The following SAMD12 variants were observed in gnomAD, a reference collection of about 807,000 sequenced individuals.
SAMD12 encodes the protein sterile alpha motif domain-containing protein 12.
A neutral mutation model predicts 15.0 loss-of-function variants in SAMD12; 9 were observed. That is an observed-to-expected ratio of 0.60 (90% CI 0.36 to 1.05). The LOEUF is 1.05. Among genes scored for constraint, SAMD12 ranks in the 50% least tolerant of loss-of-function variants. SAMD12 has a pLI of 0.01. For synonymous variants in SAMD12, 86 were observed against 90.1 expected (o/e 0.96, Z 0.25); for missense variants, 230 against 234.2 (o/e 0.98, Z 0.12).
At chr8:118,279,069 C>T (rs1813542444) in intron 4 of SAMD12, among the ~76,000 whole-genome samples, 7 of 152,096 alleles carry the variant, frequency 4.6e-5, no homozygotes, top group Admixed American at 3.9e-4. Flanking sequence ...AAAAAAATTA[C>T]ACAATTCAGT....
intron 3 of SAMD12, among the ~76,000 whole-genome samples, chr8:118,423,113 T>TGTGG (rs1822074961): frequency 6.6e-6 from 1 of 152,070 alleles, no homozygotes. Context: ...GTGCCCAGGG[T>TGTGG]ATCGAGGCTG....
chr8:118,431,710 G>A (rs899606793), intron 3 of SAMD12, among the ~76,000 whole-genome samples: 3,404 of 151,714 alleles, frequency 0.022, 131 homozygotes, highest in African/African-American at 0.079. Context: ...GTGTGTGTGT[G>A]TGTGTGTGTG....
Position 118,470,450 on chromosome 8 carries a change from T to C in SAMD12, c.193-30489A>G, listed in dbSNP as rs150391178. Among the ~76,000 whole-genome samples, 732 of 152,328 alleles carry C rather than the reference T, an allele frequency of 4.8e-3. 8 individuals are homozygous for C. Among genetic ancestry groups the C allele is most frequent in the African/African-American group, 0.016 (667 of 41,568 alleles). Reference sequence around the variant, plus strand: ...GTTTTTATAGTGGAAAGAGCAGACCTGCAGTTGAAAGACTCTTGTTCTGGC... The same window carrying C: ...GTTTTTATAGTGGAAAGAGCAGACCCGCAGTTGAAAGACTCTTGTTCTGGC... On this transcript the variant is annotated intron_variant, in intron 2 of 3. Coordinates refer to ENST00000314727, the MANE Select transcript of SAMD12 (RefSeq NM_207506.3).
At chr8:118,567,110 A>G (rs4512404) in intron 2 of SAMD12, among the ~76,000 whole-genome samples, 27,793 of 152,096 alleles carry the variant, frequency 0.18, 2,719 homozygotes, top group Middle Eastern at 0.26. Context: ...ATAAACTCCA[A>G]TGATCCTAAT....
At chr8:118,186,323 G>A (rs1255075776), downstream of SAMD12, among the ~76,000 whole-genome samples, 14 of 152,158 alleles carry the variant, frequency 9.2e-5, no homozygotes, top group Admixed American at 8.5e-4. Flanking sequence ...TAGTTGAGCT[G>A]CTTATTTCTC....
intron 2 of SAMD12, among the ~76,000 whole-genome samples, chr8:118,474,908 T>A (rs533372126): frequency 6.6e-6 from 1 of 152,254 alleles, no homozygotes; most frequent in South Asian, 2.1e-4. Context: ...ATGAGTGAGT[T>A]CTCACTTTAT....
At chr8:118,309,644 T>C (rs1230941048) in intron 4 of SAMD12, among the ~76,000 whole-genome samples, 3 of 152,174 alleles carry the variant, frequency 2.0e-5, no homozygotes, top group African/African-American at 7.2e-5. Flanking sequence ...GACTTGAATA[T>C]GACTACTCCC....
the SAMD12 span, among the ~76,000 whole-genome samples, chr8:118,165,643 T>TAC: frequency 7.0e-6 from 1 of 143,552 alleles, no homozygotes; most frequent in Non-Finnish European, 1.5e-5. Flanking sequence ...TATACATATA[T>TAC]ATATATAAAA....
intron 1 of SAMD12, among the ~76,000 whole-genome samples, chr8:118,593,144 A>G (rs1213831151): frequency 6.6e-6 from 1 of 152,204 alleles, no homozygotes; most frequent in Non-Finnish European, 1.5e-5. Flanking sequence ...ATATGTGCAT[A>G]TAACATATAT....
intron 2 of SAMD12, among the ~76,000 whole-genome samples, chr8:118,578,359 G>A (rs1827202081): frequency 6.6e-6 from 1 of 152,130 alleles, no homozygotes; most frequent in Non-Finnish European, 1.5e-5. Flanking sequence ...CCTTAGGTAA[G>A]TTCCTACAGA....
chr8:118,366,889 T>TAAA (rs564404306), intron 4 of SAMD12, among the ~76,000 whole-genome samples: 1 of 89,454 alleles, frequency 1.1e-5, no homozygotes, highest in Non-Finnish European at 2.4e-5. Flanking sequence ...AATAATAAAA[T>TAAA]AAAATAAAAT....
At chr8:118,256,693 T>A (rs1377935633) in intron 4 of SAMD12, among the ~76,000 whole-genome samples, 1 of 151,768 alleles carries the variant, frequency 6.6e-6, no homozygotes, top group African/African-American at 2.4e-5. Context: ...ATCACATATA[T>A]GTAAATGGCC....
rs1460524069 is a variant in SAMD12, at chr8:118,299,455, T to C, written c.433+80105A>G. ...ACGTGGGTCTCTACACGTCCAGTGG[T>C]TTTACTTTGAAGATGCCTAAGGGAG... On this transcript the variant is annotated intron_variant, in intron 4 of 4. Coordinates refer to the SAMD12 transcript ENST00000409003. Among the ~76,000 whole-genome samples, 11 of 152,108 alleles carry C rather than the reference T, an allele frequency of 7.2e-5. 1 individual carries two copies. Among genetic ancestry groups the C allele is most frequent in the Non-Finnish European group, 1.5e-5 (1 of 68,002 alleles).
At chr8:118,603,288 A>G (rs993437791) in intron 1 of SAMD12, among the ~76,000 whole-genome samples, 2 of 152,186 alleles carry the variant, frequency 1.3e-5, no homozygotes, top group African/African-American at 2.4e-5. Flanking sequence ...AAAATACACA[A>G]CACAGTGGAC....
At chr8:118,208,379 T>C (rs1285502442) in intron 4 of SAMD12, among the ~76,000 whole-genome samples, 1 of 152,274 alleles carries the variant, frequency 6.6e-6, no homozygotes, top group East Asian at 1.9e-4. Context: ...GCTTCTCAAA[T>C]TTTAAGATGT....
At chr8:118,517,530 G>A (rs1323875000) in intron 2 of SAMD12, among the ~76,000 whole-genome samples, 2 of 152,152 alleles carry the variant, frequency 1.3e-5, no homozygotes, top group African/African-American at 2.4e-5. Context: ...ATCCATGAGG[G>A]CAACCTGTCA....
chr8:118,435,246 A>G (rs1198233404), intron 3 of SAMD12, among the ~76,000 whole-genome samples: 1 of 152,216 alleles, frequency 6.6e-6, no homozygotes, highest in Non-Finnish European at 1.5e-5. Flanking sequence ...ACAGTACAAT[A>G]TGATATTTCA....
At chr8:118,466,927 C>T (rs143667584) in intron 2 of SAMD12, among the ~76,000 whole-genome samples, 98 of 152,262 alleles carry the variant, frequency 6.4e-4, no homozygotes, top group African/African-American at 2.3e-3. Context: ...TCACAGAAAG[C>T]CTCTGACTCC....
chr8:118,221,618 G>C, intron 4 of SAMD12, among the ~76,000 whole-genome samples: 1 of 152,328 alleles, frequency 6.6e-6, no homozygotes, highest in African/African-American at 2.4e-5. Flanking sequence ...ACCTAATCTA[G>C]TGTTTGGAGC....
Sources: gnomAD v4.1 joint callset for allele counts (sites outside exome capture counted in the v4.1 genomes callset) on GRCh38, gnomAD v4.1.1 for gene constraint, MANE v1.5 for transcripts, NCBI Gene and HGNC (gene_info 2026-07-23, HGNC 2026-07-21) for gene names.